The following GFRA2 variants were observed in gnomAD, a reference collection of about 807,000 sequenced individuals.
The protein encoded by GFRA2 is GDNF family receptor alpha 2, also known as GDNF family receptor alpha-2.
Under a neutral mutation model 48.3 loss-of-function variants are expected in GFRA2, and 17 were observed. The observed-to-expected ratio is 0.35, with a 90% confidence interval of 0.24 to 0.53. The LOEUF is 0.53. GFRA2 is among the 20% of genes least tolerant of loss of function. The pLI is 0.93. For synonymous variants in GFRA2, 305 were observed against 257.2 expected (o/e 1.19, Z -1.78); for missense variants, 660 against 637.3 (o/e 1.04, Z -0.38).
chr8:21,751,862 G>A lies in GFRA2; in HGVS notation c.440-920C>T, dbSNP rs763840222. Among the ~76,000 whole-genome samples the A allele has an allele frequency of 6.6e-5, 10 of 152,232 alleles. No individual in the cohort carries two copies. The East Asian group carries it at 1.2e-3, about 18-fold the overall frequency. ...AGGGTGCCGTGTTAGATATAAAAGC[G>A]CAAGAGGAGGGCCCACTCTGGAAGA... is the stretch of plus-strand genomic sequence containing the variant. On this transcript the variant is annotated intron_variant, in intron 3 of 8. Transcript: ENST00000524240.
intron 4 of GFRA2, among the ~76,000 whole-genome samples, chr8:21,717,981 G>A (rs1245850671): frequency 6.6e-6 from 1 of 152,192 alleles, no homozygotes; most frequent in Non-Finnish European, 1.5e-5. Context: ...TTTGAACCTT[G>A]GCTCAGCAAC....
Position 21,788,161 on chromosome 8 carries a change from T to C in GFRA2, c.-2A>G. The C allele has an allele frequency of 6.2e-7, 1 of 1,601,914 alleles. No individual in the cohort carries two copies. ...GCAGAAGACGTTTGCCAAGATCATG[T>C]TAAATAAATCCCACCGTTTTTTTGT... On this transcript the variant is annotated 5_prime_UTR_variant, in exon 1 of 9. Coordinates refer to ENST00000524240, the MANE Select transcript of GFRA2 (RefSeq NM_001495.5).
At chr8:21,694,092 TTTC>T (rs1802037387) in intron 8 of GFRA2, among the ~76,000 whole-genome samples, 4 of 138,574 alleles carry the variant, frequency 2.9e-5, no homozygotes, top group Non-Finnish European at 4.7e-5. Context: ...TATATATATA[TTTC>T]CTATAGTGGG....
At chr8:21,732,528 C>G (rs943970292) in intron 4 of GFRA2, among the ~76,000 whole-genome samples, 2 of 152,182 alleles carry the variant, frequency 1.3e-5, no homozygotes, top group African/African-American at 4.8e-5. Context: ...ATGGGTCCAC[C>G]CAGGGAAGAG....
Position 21,702,956 on chromosome 8 carries a change from C to T in GFRA2, c.1067G>A (p.Gly356Asp). The T allele has an allele frequency of 6.5e-7, 1 of 1,537,944 alleles. No homozygotes were observed. The highest frequency in any genetic ancestry group is 8.7e-7 in the Non-Finnish European group (1 of 1,148,898). The change falls in exon 7 of 9, where the codon GGC becomes GAC. Residue 356 changes from glycine (G) to aspartate (D), a missense_variant. By Grantham distance (94) the Gly-to-Asp change is moderately conservative. Coordinates refer to ENST00000524240, the MANE Select transcript of GFRA2 (RefSeq NM_001495.5). ...GGACACGTTCACGTCCGTGCCGTTG[C>T]CAAAGGCCTGGATGGCGTTCCCTGG... ...PCLRNAIQAF[G>D]NGTDVNVSPK...
chr8:21,711,952 A>C (rs1310688866), intron 4 of GFRA2, among the ~76,000 whole-genome samples: 1 of 152,176 alleles, frequency 6.6e-6, no homozygotes, highest in African/African-American at 2.4e-5. Context: ...AATCCATTTA[A>C]CCCTGAGTGG....
At chr8:21,731,372 C>T (rs918653238) in intron 4 of GFRA2, among the ~76,000 whole-genome samples, 16 of 152,300 alleles carry the variant, frequency 1.1e-4, no homozygotes, top group African/African-American at 3.8e-4. Context: ...AGCAAAGAAA[C>T]AGAGGAATCT....
chr8:21,717,817 G>A (rs948310977), intron 4 of GFRA2, among the ~76,000 whole-genome samples: 2 of 152,138 alleles, frequency 1.3e-5, no homozygotes, highest in Admixed American at 1.3e-4. Context: ...AACCCTTCAG[G>A]ACACAACCAA....
At chr8:21,749,290 A>C (rs1805160372) in intron 4 of GFRA2, among the ~76,000 whole-genome samples, 1 of 150,850 alleles carries the variant, frequency 6.6e-6, no homozygotes, top group East Asian at 1.9e-4. Context: ...CTTGGTAAGC[A>C]CTTACTATAT....
At chr8:21,723,915 G>C (rs540460141) in intron 4 of GFRA2, among the ~76,000 whole-genome samples, 3 of 152,178 alleles carry the variant, frequency 2.0e-5, no homozygotes, top group Non-Finnish European at 4.4e-5. Flanking sequence ...ACAGCAGGTG[G>C]CAGAAGACAG....
At chr8:21,700,010 G>C (rs954352036) in intron 7 of GFRA2, among the ~76,000 whole-genome samples, 2 of 152,206 alleles carry the variant, frequency 1.3e-5, no homozygotes, top group South Asian at 2.1e-4. Context: ...CAGGCGGAAG[G>C]CAACCTGGTG....
intron 1 of GFRA2, among the ~76,000 whole-genome samples, chr8:21,809,431 T>C (rs1012022116): frequency 6.6e-6 from 1 of 152,062 alleles, no homozygotes; most frequent in African/African-American, 2.4e-5. Context: ...TTCACGCCAT[T>C]CTCCTGCCTC....
In GFRA2 at chr8:21,724,459, T is replaced by C. The variant is rs1046581038; in HGVS notation, c.795-18418A>G. Among the ~76,000 whole-genome samples the C allele has an allele frequency of 3.3e-5, 5 of 152,132 alleles. No homozygotes were observed. The South Asian group carries it at 8.3e-4, about 25-fold the overall frequency. ...GAAAGTCGACCAGTGGCATAGCTAA[T>C]AGGAGGACTATTCCTTGAATGGCCA... On this transcript the variant is annotated intron_variant, in intron 4 of 8. Coordinates refer to ENST00000524240, the MANE Select transcript of GFRA2 (RefSeq NM_001495.5).
chr8:21,760,972 G>T (rs1805878393), intron 3 of GFRA2, among the ~76,000 whole-genome samples: 1 of 152,156 alleles, frequency 6.6e-6, no homozygotes, highest in Non-Finnish European at 1.5e-5. Flanking sequence ...CTCACAATGA[G>T]ATGTAGAATA....
At chr8:21,729,050 C>T (rs1276022690) in intron 4 of GFRA2, among the ~76,000 whole-genome samples, 1 of 152,180 alleles carries the variant, frequency 6.6e-6, no homozygotes, top group African/African-American at 2.4e-5. Context: ...CAGGACGGGG[C>T]CAACCCAGGC....
At chr8:21,727,339 T>A (rs139614501) in intron 4 of GFRA2, among the ~76,000 whole-genome samples, 5 of 152,214 alleles carry the variant, frequency 3.3e-5, no homozygotes, top group Admixed American at 6.5e-5. Flanking sequence ...AGGGCCTCCC[T>A]TGCCTCTGCT....
intron 3 of GFRA2, among the ~76,000 whole-genome samples, chr8:21,764,971 A>G (rs949821547): frequency 1.2e-4 from 19 of 152,104 alleles, no homozygotes; most frequent in Admixed American, 1.0e-3. Flanking sequence ...TCCAAGAAGA[A>G]TATTCTGGCA....
Position 21,782,723 on chromosome 8 carries a change from G to GCAT in GFRA2, c.214_216dup (p.Met72dup). ...GCCGCCTGGCACTCCTTGTTGGCCA[G>GCAT]CATGGTGTTGCGGTCGCGGCCTGCC... On this transcript the variant is annotated inframe_insertion, in exon 2 of 9. Transcript: ENST00000524240. 6.3e-7 allele frequency: 1 copy of GCAT among 1,597,212 alleles called. No individual in the cohort carries two copies. Among genetic ancestry groups the GCAT allele is most frequent in the Non-Finnish European group, 8.5e-7 (1 of 1,172,546 alleles).
chr8:21,727,235 A>C (rs1338852414), intron 4 of GFRA2, among the ~76,000 whole-genome samples: 1 of 152,112 alleles, frequency 6.6e-6, no homozygotes, highest in Non-Finnish European at 1.5e-5. Context: ...CCAGACTGAG[A>C]GGTCACTCCT....
Sources: gnomAD v4.1 joint callset for allele counts (sites outside exome capture counted in the v4.1 genomes callset) on GRCh38, gnomAD v4.1.1 for gene constraint, MANE v1.5 for transcripts, NCBI Gene and HGNC (gene_info 2026-07-23, HGNC 2026-07-21) for gene names.